Variants in HECW2 observed in about 807,000 individuals in gnomAD.
HECW2 encodes the protein E3 ubiquitin-protein ligase HECW2.
HECW2 carries 61 observed loss-of-function variants against 175.2 expected under a neutral mutation model. That is an observed-to-expected ratio of 0.35 (90% confidence interval 0.28 to 0.43). The LOEUF is 0.43. Ranked by LOEUF, HECW2 falls within the 20% of genes least tolerant of loss-of-function variation. The pLI is 1.00. For synonymous variants in HECW2, 671 were observed against 731.0 expected, an observed-to-expected ratio of 0.92 and a Z score of 1.32; for missense variants, 1,524 against 2,000.5, an observed-to-expected ratio of 0.76 and a Z score of 4.54.
intron 28 of HECW2, among the ~76,000 whole-genome samples, chr2:196,211,357 C>T (rs1687278296): frequency 6.6e-6 from 1 of 152,130 alleles, no homozygotes; most frequent in Non-Finnish European, 1.5e-5. Context: ...ATCAGAGCAC[C>T]AGGGGTATGA....
At chr2:196,206,844 A>G (rs910941463) in intron 28 of HECW2, among the ~76,000 whole-genome samples, 8 of 152,208 alleles carry the variant, frequency 5.3e-5, no homozygotes, top group Non-Finnish European at 1.2e-4. Context: ...TTGTTTCATT[A>G]GTCCCAAAGA....
At chr2:196,514,680 C>A (rs954820014) in intron 1 of HECW2, among the ~76,000 whole-genome samples, 4 of 152,120 alleles carry the variant, frequency 2.6e-5, no homozygotes, top group Non-Finnish European at 4.4e-5. Context: ...TGGAACAACC[C>A]CCCTGAGGAC....
intron 1 of HECW2, among the ~76,000 whole-genome samples, chr2:196,446,181 A>G (rs1420403565): frequency 6.6e-6 from 1 of 152,128 alleles, no homozygotes; most frequent in Admixed American, 6.5e-5. Flanking sequence ...AGAATGTTCC[A>G]GCCACTCTCT....
chr2:196,458,081 G>C (rs766382801), intron 1 of HECW2, among the ~76,000 whole-genome samples: 4 of 151,970 alleles, frequency 2.6e-5, no homozygotes, highest in Non-Finnish European at 5.9e-5. Flanking sequence ...ACCAGCCTGG[G>C]TAACATAGTG....
chr2:196,332,837 G>A (rs1400425636), intron 4 of HECW2, among the ~76,000 whole-genome samples: 2 of 152,148 alleles, frequency 1.3e-5, no homozygotes, highest in African/African-American at 2.4e-5. Flanking sequence ...TGCTTACTAT[G>A]TGACATGGCA....
At chr2:196,469,775 A>C (rs1012841662) in intron 1 of HECW2, among the ~76,000 whole-genome samples, 1 of 152,016 alleles carries the variant, frequency 6.6e-6, no homozygotes, top group Non-Finnish European at 1.5e-5. Context: ...GAGAACAAGT[A>C]GTTAACCAAG....
intron 1 of HECW2, among the ~76,000 whole-genome samples, chr2:196,460,457 T>C (rs1221591674): frequency 6.7e-6 from 1 of 150,120 alleles, no homozygotes; most frequent in Non-Finnish European, 1.5e-5. Flanking sequence ...CCAAATTGAA[T>C]GAGGATACAA....
chr2:196,319,098 T>C lies in HECW2; in HGVS notation c.1792A>G (p.Thr598Ala), dbSNP rs777619859. The change falls in exon 9 of 29, where the codon ACC becomes GCC. Residue 598 changes from threonine (T) to alanine (A), a missense_variant. By Grantham distance (58) the Thr-to-Ala change is moderately conservative. Around this residue, in one of 11 missense-constraint regions of HECW2, gnomAD observed 604 missense variants for 588.3 expected, o/e 1.03. Transcript: ENST00000644978. ...TCAGAGCCCTGATCGAGAGACTCGG[T>C]CTCACTGACGGCTCTTCGGCTTCCT... ...SGGSRRAVSE[T>A]ESLDQGSEPS... 2 of 1,600,178 alleles carry C rather than the reference T, an allele frequency of 1.2e-6. No individual in the cohort carries two copies. Among genetic ancestry groups the C allele is most frequent in the South Asian group, 1.1e-5 (1 of 88,736 alleles).
At chr2:196,498,348 TATTA>T (rs1401884146) in intron 1 of HECW2, among the ~76,000 whole-genome samples, 1 of 152,186 alleles carries the variant, frequency 6.6e-6, no homozygotes, top group African/African-American at 2.4e-5. Context: ...TAACCATTCT[TATTA>T]ATTAGAAATA....
At chr2:196,350,812 A>C (rs373310203) in intron 2 of HECW2, among the ~76,000 whole-genome samples, 11 of 151,534 alleles carry the variant, frequency 7.3e-5, no homozygotes, top group African/African-American at 2.7e-4. Flanking sequence ...GTTTTGTTAA[A>C]AGAGGAAAAA....
chr2:196,497,808 C>T (rs1225756789), intron 1 of HECW2, among the ~76,000 whole-genome samples: 1 of 152,188 alleles, frequency 6.6e-6, no homozygotes, highest in Non-Finnish European at 1.5e-5. Context: ...TGCTCCATAC[C>T]CAGAAGAAAG....
intron 2 of HECW2, among the ~76,000 whole-genome samples, chr2:196,427,285 C>G (rs1362585480): frequency 1.3e-5 from 2 of 149,340 alleles, no homozygotes; most frequent in Non-Finnish European, 3.0e-5. Flanking sequence ...GCATAGTATA[C>G]ACTTTTACAT....
chr2:196,222,769 T>G (rs113335308), intron 23 of HECW2, among the ~76,000 whole-genome samples: 4,082 of 152,138 alleles, frequency 0.027, 140 homozygotes, highest in East Asian at 0.17. Flanking sequence ...TATTTCTATA[T>G]TTTAACTTTT....
chr2:196,365,145 C>G (rs1262150756), intron 2 of HECW2, among the ~76,000 whole-genome samples: 1 of 152,198 alleles, frequency 6.6e-6, no homozygotes, highest in Non-Finnish European at 1.5e-5. Context: ...TAATTATACA[C>G]AATTAAAGAC....
chr2:196,477,910 A>G (rs530100717), intron 1 of HECW2, among the ~76,000 whole-genome samples: 11 of 152,140 alleles, frequency 7.2e-5, no homozygotes, highest in African/African-American at 2.6e-4. Flanking sequence ...AAATTAGCCG[A>G]ACATGGTGGC....
intron 1 of HECW2, among the ~76,000 whole-genome samples, chr2:196,577,351 C>T (rs1207111628): frequency 1.3e-5 from 2 of 152,074 alleles, no homozygotes; most frequent in East Asian, 3.9e-4. Flanking sequence ...GCAAATTAGT[C>T]ATTTTATTAA....
intron 1 of HECW2, among the ~76,000 whole-genome samples, chr2:196,481,190 G>GA (rs937553002): frequency 1.3e-5 from 2 of 152,186 alleles, no homozygotes; most frequent in African/African-American, 4.8e-5. Context: ...GGCAGCCAAT[G>GA]TTTTTTAAAA....
rs576750523 is a variant in HECW2, at chr2:196,387,084, C to T, written c.293-43320G>A. Among the ~76,000 whole-genome samples, 8 of 152,210 alleles carry T rather than the reference C, an allele frequency of 5.3e-5. No homozygotes were observed. In the South Asian group the frequency reaches 1.5e-3, roughly 28 times the overall value. ...GTATTTTGTTTTGGCCCTTTCTTGG[C>T]ACAAACACATAATTTACATATTAAA... On this transcript the variant is annotated intron_variant, in intron 2 of 28. Transcript: ENST00000644978.
At chr2:196,528,050 A>G (rs571556995) in intron 1 of HECW2, among the ~76,000 whole-genome samples, 2 of 152,312 alleles carry the variant, frequency 1.3e-5, no homozygotes, top group East Asian at 1.9e-4. Context: ...CTTCTAGAAA[A>G]TGAGTCCCAT....
Sources: allele counts gnomAD v4.1 joint callset (sites outside exome capture counted in the v4.1 genomes callset), GRCh38; gene constraint gnomAD v4.1.1; regional missense constraint gnomAD v4.1.1; transcripts MANE v1.5; gene names NCBI Gene and HGNC (gene_info 2026-07-23, HGNC 2026-07-21).